Variants in UGT2B4 observed in about 807,000 individuals in gnomAD.
UGT2B4 encodes UDP glucuronosyltransferase family 2 member B4.
Under a neutral mutation model 49.8 loss-of-function variants are expected in UGT2B4, and 49 were observed. That is an observed-to-expected ratio of 0.98 (90% CI 0.78 to 1.25). The LOEUF is 1.25. Among genes scored for constraint, UGT2B4 ranks in the 50% most tolerant of loss-of-function variants. UGT2B4 has a pLI of 0.00. For synonymous variants in UGT2B4, 246 were observed against 217.7 expected, an observed-to-expected ratio of 1.13 and a Z score of -1.14; for missense variants, 729 against 627.7, an observed-to-expected ratio of 1.16 and a Z score of -1.73.
chr4:69,516,280 C>A (rs973705055), intron 1 of UGT2B4, among the ~76,000 whole-genome samples: 1 of 152,078 alleles, frequency 6.6e-6, no homozygotes, highest in African/African-American at 2.4e-5. Flanking sequence ...ATGAACAGTG[C>A]GGCAGTGAAC....
At chr4:69,512,417 G>A (rs1728628674) in intron 1 of UGT2B4, among the ~76,000 whole-genome samples, 1 of 151,918 alleles carries the variant, frequency 6.6e-6, no homozygotes, top group Non-Finnish European at 1.5e-5. Flanking sequence ...TTATTCGACA[G>A]TGTGTTGTTT....
At chr4:69,498,095 T>A (rs1728212238), upstream of UGT2B4, among the ~76,000 whole-genome samples, 1 of 152,224 alleles carries the variant, frequency 6.6e-6, no homozygotes, top group Non-Finnish European at 1.5e-5. Context: ...GTGTACTTTT[T>A]TTGAACTTAA....
At chr4:69,509,257 C>T (rs1728550628) in intron 1 of UGT2B4, among the ~76,000 whole-genome samples, 2 of 149,710 alleles carry the variant, frequency 1.3e-5, no homozygotes, top group South Asian at 2.1e-4. Flanking sequence ...CTGCAACCTC[C>T]GCCTCCCAGG....
At chr4:69,503,003 G>A (rs562830449) in intron 1 of UGT2B4, among the ~76,000 whole-genome samples, 39 of 152,142 alleles carry the variant, frequency 2.6e-4, no homozygotes, top group African/African-American at 8.2e-4. Context: ...CAGGAGACAA[G>A]CAAAGTAGTG....
intron 1 of UGT2B4, among the ~76,000 whole-genome samples, chr4:69,504,751 C>A (rs551660365): frequency 2.5e-3 from 387 of 152,086 alleles, no homozygotes; most frequent in Middle Eastern, 6.8e-3. Flanking sequence ...ATGCAGAGAA[C>A]CCCAGTAAGA....
intron 5 of UGT2B4, among the ~76,000 whole-genome samples, chr4:69,484,814 A>G (rs1302678562): frequency 6.6e-6 from 1 of 152,192 alleles, no homozygotes; most frequent in African/African-American, 2.4e-5. Context: ...TACAATAATG[A>G]TAATAAAAAT....
intron 1 of UGT2B4, among the ~76,000 whole-genome samples, chr4:69,521,698 G>T (rs1010655658): frequency 6.6e-6 from 1 of 152,178 alleles, no homozygotes; most frequent in Non-Finnish European, 1.5e-5. Context: ...TCCAGCAGGT[G>T]CAAGCAATAG....
At chr4:69,494,055 A>G in intron 1 of UGT2B4, among the ~76,000 whole-genome samples, 1 of 152,162 alleles carries the variant, frequency 6.6e-6, no homozygotes, top group Non-Finnish European at 1.5e-5. Flanking sequence ...TGGTGAGAGA[A>G]TCATGAGGGA....
At chr4:69,518,358 G>A (rs1728780085) in intron 1 of UGT2B4, 1 of 152,218 alleles carries the variant, frequency 6.6e-6, no homozygotes, top group Non-Finnish European at 1.5e-5. Context: ...GCACAGCAGA[G>A]CTGAGGTAGC....
At chr4:69,511,806 G>A (rs12645242) in intron 1 of UGT2B4, among the ~76,000 whole-genome samples, 53,407 of 151,874 alleles carry the variant, frequency 0.35, 9,471 homozygotes, top group Non-Finnish European at 0.37. Context: ...TCTTTGTTGG[G>A]AAGTTTTGAT....
intron 3 of UGT2B4, among the ~76,000 whole-genome samples, chr4:69,489,170 CATG>C (rs550189132): frequency 5.0e-4 from 76 of 152,204 alleles, no homozygotes; most frequent in African/African-American, 1.8e-3. Flanking sequence ...ACCCCAGTAT[CATG>C]ATAATACCAA....
intron 4 of UGT2B4, among the ~76,000 whole-genome samples, chr4:69,486,135 G>T (rs1727774041): frequency 6.6e-6 from 1 of 152,118 alleles, no homozygotes; most frequent in South Asian, 2.1e-4. Flanking sequence ...TGAGGTGGTG[G>T]TGGTGCTAGA....
At chr4:69,500,606 G>GAAGAAGAAAGAAAGAAAGAAAGA (rs1728283019), upstream of UGT2B4, among the ~76,000 whole-genome samples, 1 of 99,510 alleles carries the variant, frequency 1.0e-5, no homozygotes, top group African/African-American at 4.3e-5. Context: ...AGAAAGCAAG[G>GAAGAAGAAAGAAAGAAAGAAAGA]AAGAAAGAAA....
intron 1 of UGT2B4, among the ~76,000 whole-genome samples, chr4:69,515,877 G>A (rs1728719393): frequency 6.6e-6 from 1 of 152,178 alleles, no homozygotes; most frequent in Non-Finnish European, 1.5e-5. Context: ...TACATGTGCA[G>A]GATGTGCAGG....
At chr4:69,502,125 CT>C (rs1207661968) in intron 1 of UGT2B4, among the ~76,000 whole-genome samples, 7 of 131,348 alleles carry the variant, frequency 5.3e-5, no homozygotes, top group African/African-American at 9.1e-5. Context: ...TTCTTTCTTT[CT>C]TTCTTTCTTT....
chr4:69,485,694 T>C (rs201525199), intron 4 of UGT2B4, among the ~76,000 whole-genome samples: 1 of 151,866 alleles, frequency 6.6e-6, no homozygotes, highest in African/African-American at 2.4e-5. Context: ...AAACATCATG[T>C]GCAGAAAAGA....
intron 2 of UGT2B4, among the ~76,000 whole-genome samples, 190 bp downstream of exon 2, chr4:69,493,503 T>G (rs1467644012): frequency 6.6e-6 from 1 of 152,170 alleles, no homozygotes; most frequent in Non-Finnish European, 1.5e-5. Context: ...TTAGTATCCC[T>G]CTTTATTGGT....
upstream of UGT2B4, among the ~76,000 whole-genome samples, chr4:69,496,896 A>C (rs944767227): frequency 1.3e-5 from 2 of 152,038 alleles, no homozygotes; most frequent in African/African-American, 4.8e-5. Flanking sequence ...GAGAGTTTCA[A>C]GATGAAACTA....
chr4:69,506,847 C>T (rs1728480971), intron 1 of UGT2B4, among the ~76,000 whole-genome samples: 1 of 152,098 alleles, frequency 6.6e-6, no homozygotes. Flanking sequence ...AAGCTGAATT[C>T]AGCAGCATAT....
Sources: gnomAD v4.1 joint callset for allele counts (sites outside exome capture counted in the v4.1 genomes callset) on GRCh38, gnomAD v4.1.1 for gene constraint, MANE v1.5 for transcripts, NCBI Gene and HGNC (gene_info 2026-07-23, HGNC 2026-07-21) for gene names.